The following GSG1L variants were observed in gnomAD, a reference collection of about 807,000 sequenced individuals.
GSG1L encodes GSG1 like, also known as germ cell-specific gene 1-like protein.
A neutral mutation model predicts 42.1 loss-of-function variants in GSG1L; 24 were observed. That is an observed-to-expected ratio of 0.57 (90% confidence interval 0.41 to 0.80). The LOEUF is 0.80. Ranked by LOEUF, GSG1L falls within the 30% of genes least tolerant of loss-of-function variation. GSG1L has a pLI of 0.00. For missense variants in GSG1L, 445 were observed against 472.2 expected (o/e 0.94, Z 0.53); for synonymous variants, 215 against 203.5 (o/e 1.06, Z -0.48).
At chr16:27,893,025 G>A (rs1294360991) in intron 2 of GSG1L, among the ~76,000 whole-genome samples, 3 of 152,148 alleles carry the variant, frequency 2.0e-5, no homozygotes, top group African/African-American at 7.2e-5. Context: ...AGGCCCGGCA[G>A]AGCCTCGCCT....
At chr16:28,002,757 C>T (rs760562683) in intron 1 of GSG1L, among the ~76,000 whole-genome samples, 127 of 150,848 alleles carry the variant, frequency 8.4e-4, no homozygotes, top group Non-Finnish European at 1.5e-3. Flanking sequence ...GGTGAAACCC[C>T]GTCTCTACTA....
intron 1 of GSG1L, among the ~76,000 whole-genome samples, chr16:27,984,675 G>A (rs879885891): frequency 5.9e-5 from 9 of 151,664 alleles, no homozygotes; most frequent in Non-Finnish European, 7.4e-5. Flanking sequence ...TTTTTCAGTC[G>A]ACTGAAACAC....
intron 2 of GSG1L, among the ~76,000 whole-genome samples, chr16:27,930,099 G>A (rs141900472): frequency 2.6e-5 from 4 of 151,950 alleles, no homozygotes; most frequent in Non-Finnish European, 4.4e-5. Context: ...TGGGGTTGAA[G>A]GGCCTCCTCA....
intron 1 of GSG1L, among the ~76,000 whole-genome samples, chr16:28,002,060 C>T (rs2085583479): frequency 6.6e-6 from 1 of 152,184 alleles, no homozygotes; most frequent in Non-Finnish European, 1.5e-5. Context: ...CATTAAGCAC[C>T]TACTACGCGC....
intron 1 of GSG1L, among the ~76,000 whole-genome samples, chr16:28,047,858 T>C (rs1423312739): frequency 6.6e-6 from 1 of 152,128 alleles, no homozygotes; most frequent in Non-Finnish European, 1.5e-5. Context: ...AAGAATCCTA[T>C]TGAAGAGAAA....
At chr16:27,878,162 G>T (rs1199557352) in intron 3 of GSG1L, among the ~76,000 whole-genome samples, 1 of 152,102 alleles carries the variant, frequency 6.6e-6, no homozygotes. Flanking sequence ...TGGGCTCAAG[G>T]ATCCTCCTGT....
chr16:27,936,810 G>A (rs930899432), intron 2 of GSG1L, among the ~76,000 whole-genome samples: 2 of 152,144 alleles, frequency 1.3e-5, no homozygotes, highest in African/African-American at 2.4e-5. Flanking sequence ...ATTACTCAAT[G>A]CATGCAGGTC....
chr16:27,855,307 C>T (rs928299772), intron 3 of GSG1L, among the ~76,000 whole-genome samples: 9 of 152,170 alleles, frequency 5.9e-5, no homozygotes, highest in South Asian at 2.1e-4. Flanking sequence ...AAGGGCTCAG[C>T]GAGCTGTGGT....
At chr16:27,816,251 T>C (rs942732078) in intron 5 of GSG1L, among the ~76,000 whole-genome samples, 2 of 152,186 alleles carry the variant, frequency 1.3e-5, no homozygotes, top group Non-Finnish European at 2.9e-5. Context: ...GTCGCTGTCA[T>C]TGCCTCAGGA....
chr16:27,929,069 A>G (rs1019627796), intron 2 of GSG1L, among the ~76,000 whole-genome samples: 8 of 152,222 alleles, frequency 5.3e-5, no homozygotes, highest in African/African-American at 1.9e-4. Context: ...TTGCATCTGA[A>G]TGTGCAAAGG....
chr16:28,039,182 G>GA (rs2086076097), intron 1 of GSG1L, among the ~76,000 whole-genome samples: 1 of 152,182 alleles, frequency 6.6e-6, no homozygotes, highest in Admixed American at 6.5e-5. Flanking sequence ...GAGATTTGTA[G>GA]AAAAAACAAT....
chr16:27,918,986 C>A (rs2084492519), intron 2 of GSG1L, among the ~76,000 whole-genome samples: 1 of 152,156 alleles, frequency 6.6e-6, no homozygotes, highest in African/African-American at 2.4e-5. Flanking sequence ...AGACGCCTCA[C>A]AATCCTTCTC....
At chr16:27,807,392 G>T in intron 6 of GSG1L, 95 bp downstream of exon 6, 1 of 944,852 alleles carries the variant, frequency 1.1e-6, no homozygotes, top group East Asian at 2.6e-5. Flanking sequence ...GGTGCAGTGG[G>T]GGGTGGGGGC....
intron 5 of GSG1L, among the ~76,000 whole-genome samples, chr16:27,813,975 C>T (rs865821067): frequency 7.2e-5 from 11 of 152,174 alleles, no homozygotes; most frequent in Non-Finnish European, 1.2e-4. Flanking sequence ...CAGTAACGAC[C>T]GCTGCCACTG....
At chr16:27,963,312 A>C (rs905714587) in intron 1 of GSG1L, 109 bp from the exon 2 acceptor site, 11 of 908,504 alleles carry the variant, frequency 1.2e-5, no homozygotes, top group Non-Finnish European at 2.0e-5. Flanking sequence ...CTCTGACCCA[A>C]GCCCAGTGAC....
intron 1 of GSG1L, among the ~76,000 whole-genome samples, chr16:28,007,307 G>A (rs1367966509): frequency 6.6e-6 from 1 of 152,098 alleles, no homozygotes; most frequent in East Asian, 1.9e-4. Context: ...TTAGAGTGAC[G>A]GGCTTTGAAG....
chr16:27,886,982 G>T (rs2084038948), intron 2 of GSG1L, among the ~76,000 whole-genome samples: 1 of 151,306 alleles, frequency 6.6e-6, no homozygotes, highest in Non-Finnish European at 1.5e-5. Context: ...CTTAGACAGG[G>T]TCTCACTCTG....
At chr16:27,905,759 G>A (rs1048783767) in intron 2 of GSG1L, among the ~76,000 whole-genome samples, 1 of 152,182 alleles carries the variant, frequency 6.6e-6, no homozygotes, top group East Asian at 1.9e-4. Context: ...GCGGGGCGGG[G>A]GATGCATGAT....
At chr16:28,021,068 T>C (rs1286753854) in intron 1 of GSG1L, among the ~76,000 whole-genome samples, 1 of 152,196 alleles carries the variant, frequency 6.6e-6, no homozygotes, top group African/African-American at 2.4e-5. Flanking sequence ...TTAGGTGGTG[T>C]ATTAGTCCTT....
Sources: allele counts gnomAD v4.1 joint callset (sites outside exome capture counted in the v4.1 genomes callset), GRCh38; gene constraint gnomAD v4.1.1; transcripts MANE v1.5; gene names NCBI Gene and HGNC (gene_info 2026-07-23, HGNC 2026-07-21).